Variants in KLHL29 observed in about 807,000 individuals in gnomAD.
The protein encoded by KLHL29 is kelch like family member 29.
In KLHL29, 21 loss-of-function variants were observed where a neutral mutation model predicts 80.4. The ratio of observed to expected loss-of-function variants is 0.26; its 90% confidence interval spans 0.19 to 0.38. The LOEUF (loss-of-function observed/expected upper bound fraction) is 0.38, where lower values mean the gene tolerates loss of function less well. KLHL29 is among the 10% of genes least tolerant of loss of function. The pLI, the probability that KLHL29 is intolerant of heterozygous loss-of-function variation, is 1.00. For synonymous variants in KLHL29, 511 were observed against 526.8 expected, an observed-to-expected ratio of 0.97 and a Z score of 0.41; for missense variants, 867 against 1,223.9, an observed-to-expected ratio of 0.71 and a Z score of 4.35.
rs796192593 is a variant in KLHL29, at chr2:23,660,871, C to CA, written c.940+18030dup. 7.5e-3 allele frequency among the ~76,000 whole-genome samples: 1,126 copies of CA among 150,816 alleles called. 15 individuals are homozygous for CA. Among genetic ancestry groups the CA allele is most frequent in the African/African-American group, 0.026 (1,062 of 41,126 alleles). ...TGAAACCCCATCTCTACTAAAAATACAAAAAAAAAGTCAGCCAGGCGTGGT... is the reference window on the plus strand; with the variant it reads ...TGAAACCCCATCTCTACTAAAAATACAAAAAAAAAAGTCAGCCAGGCGTGGT... On this transcript the variant is annotated intron_variant, in intron 5 of 13. Transcript: ENST00000486442.
intron 2 of KLHL29, among the ~76,000 whole-genome samples, chr2:23,511,759 A>G (rs1052628720): frequency 2.0e-5 from 3 of 152,128 alleles, no homozygotes; most frequent in Non-Finnish European, 4.4e-5. Context: ...TGCTGGCTTA[A>G]GAGTTTCAGA....
intron 11 of KLHL29, among the ~76,000 whole-genome samples, chr2:23,698,712 TG>T (rs1271761625): frequency 2.6e-5 from 4 of 152,150 alleles, no homozygotes; most frequent in Non-Finnish European, 5.9e-5. Context: ...GCAGTCACTG[TG>T]GTTACTGGAT....
rs1670713711 is a variant in KLHL29 at position 23,670,957 on chromosome 2, TC to T, written c.941-13441del. Among the ~76,000 whole-genome samples, 6 of 20,546 alleles carry T rather than the reference TC, an allele frequency of 2.9e-4. 1 individual carries two copies. Among genetic ancestry groups the T allele is most frequent in the African/African-American group, 7.2e-4 (6 of 8,352 alleles). The allele number at this position is 20,546 out of a possible 152,430, so 13.5% of individuals were successfully genotyped here. On this transcript the variant is annotated intron_variant, in intron 5 of 13. Coordinates refer to ENST00000486442, the MANE Select transcript of KLHL29 (RefSeq NM_052920.2). Reference sequence around the variant, plus strand: ...CTCTCTCTCTCTCTCTCTCTCTCTCTCTCTCTCTCTCTCTCTCTCTCTCCCT... The same window carrying T: ...CTCTCTCTCTCTCTCTCTCTCTCTCTTCTCTCTCTCTCTCTCTCTCTCCCT...
intron 2 of KLHL29, among the ~76,000 whole-genome samples, chr2:23,513,408 G>A (rs930824232): frequency 1.3e-5 from 2 of 152,174 alleles, no homozygotes; most frequent in Admixed American, 6.5e-5. Context: ...GCCTGCCCTC[G>A]GAAATCCTCC....
chr2:23,699,606 T>A (rs555601623), intron 11 of KLHL29, among the ~76,000 whole-genome samples: 11 of 152,324 alleles, frequency 7.2e-5, no homozygotes, highest in Admixed American at 7.2e-4. Flanking sequence ...CTGGCACTCA[T>A]GTTCTATCAC....
At chr2:23,522,260 C>T (rs1244052877) in intron 2 of KLHL29, among the ~76,000 whole-genome samples, 2 of 152,066 alleles carry the variant, frequency 1.3e-5, no homozygotes, top group African/African-American at 4.8e-5. Flanking sequence ...AAGCAATTCT[C>T]CCACCTCAGT....
intron 2 of KLHL29, among the ~76,000 whole-genome samples, chr2:23,537,091 C>G (rs1260608187): frequency 6.6e-6 from 1 of 152,162 alleles, no homozygotes; most frequent in East Asian, 1.9e-4. Flanking sequence ...CCACCTTGCC[C>G]CTGGATGCCA....
intron 2 of KLHL29, among the ~76,000 whole-genome samples, chr2:23,480,164 C>CTT (rs1664748121): frequency 6.6e-6 from 1 of 152,212 alleles, no homozygotes; most frequent in Admixed American, 6.5e-5. Flanking sequence ...GTTCTTAGCC[C>CTT]TTGGTGCACA....
intron 1 of KLHL29, among the ~76,000 whole-genome samples, chr2:23,398,357 T>C (rs1395405677): frequency 1.3e-5 from 2 of 152,230 alleles, no homozygotes; most frequent in Non-Finnish European, 2.9e-5. Flanking sequence ...AATAAGCCAG[T>C]CACGAAAGGA....
chr2:23,583,689 C>A (rs1210090134), intron 3 of KLHL29, among the ~76,000 whole-genome samples: 1 of 152,134 alleles, frequency 6.6e-6, no homozygotes. Flanking sequence ...TCTTACGTAG[C>A]TGGAGTAAGA....
intron 3 of KLHL29, among the ~76,000 whole-genome samples, chr2:23,563,582 G>A (rs182877226): frequency 3.3e-4 from 51 of 152,362 alleles, no homozygotes; most frequent in Non-Finnish European, 5.1e-4. Context: ...GAAGTTAAAG[G>A]CGGGGAGCCC....
intron 2 of KLHL29, among the ~76,000 whole-genome samples, chr2:23,558,032 A>C (rs1386545156): frequency 2.0e-5 from 3 of 152,092 alleles, no homozygotes; most frequent in Non-Finnish European, 4.4e-5. Context: ...GAGCGAAGGG[A>C]ACTGAGGGTC....
At chr2:23,489,218 T>G (rs1665024482) in intron 2 of KLHL29, among the ~76,000 whole-genome samples, 1 of 152,154 alleles carries the variant, frequency 6.6e-6, no homozygotes, top group Admixed American at 6.5e-5. Context: ...GGTGCCCTCC[T>G]GTTCCCCAGC....
chr2:23,613,763 CAAAAAAAAAAAAAA>C (rs1157736706), intron 3 of KLHL29, among the ~76,000 whole-genome samples: 3 of 63,726 alleles, frequency 4.7e-5, no homozygotes, highest in African/African-American at 1.8e-4. Context: ...GACTCCATCT[CAAAAAAAAAAAAAA>C]AAAAAAAAAA....
chr2:23,566,816 C>T (rs929371456), intron 3 of KLHL29, among the ~76,000 whole-genome samples: 5 of 152,220 alleles, frequency 3.3e-5, no homozygotes, highest in African/African-American at 1.2e-4. Flanking sequence ...GCTTAAAACA[C>T]TACCTGCCAT....
intron 5 of KLHL29, among the ~76,000 whole-genome samples, chr2:23,662,690 C>T (rs56163696): frequency 0.014 from 2,057 of 152,294 alleles, 27 homozygotes; most frequent in Non-Finnish European, 0.023. Context: ...GGGGTCTGCC[C>T]CTCCCAGGGG....
chr2:23,674,108 AG>A (rs1325268608), intron 5 of KLHL29, among the ~76,000 whole-genome samples: 1 of 152,130 alleles, frequency 6.6e-6, no homozygotes, highest in African/African-American at 2.4e-5. Context: ...ACCTCTGCCC[AG>A]CACTTGCCCC....
At chr2:23,468,350 C>T (rs1241106496) in intron 1 of KLHL29, among the ~76,000 whole-genome samples, 10 of 152,158 alleles carry the variant, frequency 6.6e-5, no homozygotes, top group Non-Finnish European at 2.9e-5. Context: ...TCAGGTGGTG[C>T]TGTGCAGACC....
At chr2:23,387,128 G>C (rs986958142) in intron 1 of KLHL29, among the ~76,000 whole-genome samples, 2 of 152,212 alleles carry the variant, frequency 1.3e-5, no homozygotes, top group African/African-American at 4.8e-5. Flanking sequence ...CGGGCGAATC[G>C]TGGACGCAGG....
Sources: allele counts gnomAD v4.1 joint callset (sites outside exome capture counted in the v4.1 genomes callset), GRCh38; gene constraint gnomAD v4.1.1; transcripts MANE v1.5; gene names NCBI Gene and HGNC (gene_info 2026-07-23, HGNC 2026-07-21).